The following ADAM23 variants were observed in gnomAD, a reference collection of about 807,000 sequenced individuals.
The protein encoded by ADAM23 is ADAM metallopeptidase domain 23, also known as disintegrin and metalloproteinase domain-containing protein 23.
ADAM23 carries 33 observed loss-of-function variants against 120.1 expected under a neutral mutation model. That is an observed-to-expected ratio of 0.27 (90% CI 0.21 to 0.37). The LOEUF (loss-of-function observed/expected upper bound fraction) is 0.37. Ranked by LOEUF, ADAM23 falls within the 10% of genes least tolerant of loss-of-function variation. The pLI is 1.00. For missense variants in ADAM23, 862 were observed against 1,058.2 expected (o/e 0.81, Z 2.57); for synonymous variants, 367 against 375.2 (o/e 0.98, Z 0.25).
intron 2 of ADAM23, among the ~76,000 whole-genome samples, chr2:206,462,925 C>T (rs994933292): frequency 1.3e-5 from 2 of 152,124 alleles, no homozygotes. Flanking sequence ...TATGGCAGCT[C>T]TCTGGAAGAC....
chr2:206,556,723 C>T (rs534265345), intron 9 of ADAM23, among the ~76,000 whole-genome samples: 2 of 152,264 alleles, frequency 1.3e-5, no homozygotes, highest in Admixed American at 6.5e-5. Context: ...ACTCTCAGCA[C>T]ACTTCATTTT....
At chr2:206,561,554 A>T (rs917626730) in intron 12 of ADAM23, among the ~76,000 whole-genome samples, 1 of 151,908 alleles carries the variant, frequency 6.6e-6, no homozygotes, top group Admixed American at 6.6e-5. Context: ...GTTAAATTTA[A>T]CTCATTAAAA....
intron 4 of ADAM23, 106 bp from the exon 5 acceptor site, chr2:206,541,946 G>C: frequency 2.6e-6 from 3 of 1,150,072 alleles, no homozygotes; most frequent in Non-Finnish European, 2.6e-6. Context: ...TATTAATACA[G>C]TGCACATATA....
In ADAM23 at chr2:206,443,748, CCT is replaced by C; in HGVS notation, c.-118_-117del. 1 of 429,168 alleles carries C rather than the reference CCT, an allele frequency of 2.3e-6. No individual in the cohort carries two copies. Among genetic ancestry groups the C allele is most frequent in the South Asian group, 9.4e-5 (1 of 10,638 alleles). 26.6% of individuals were successfully genotyped at this position (429,168 alleles called of 1,614,324 possible). On this transcript the variant is annotated 5_prime_UTR_variant, in exon 1 of 26. Transcript: ENST00000264377. ...GCCCCGTGCCCCGAGCCCGGAGCCC[CCT>C]GCCCGCCGCGGCACCATGCGCGCCG...
At position 206,443,958 on chromosome 2, in the gene ADAM23, G is replaced by T. The variant is rs1260892513; in HGVS notation, c.92G>T (p.Gly31Val). The change falls in exon 1 of 26, where the codon GGC (glycine) becomes GTC (valine). Residue 31 changes from glycine (G) to valine (V), a missense_variant. By Grantham distance (109) the Gly-to-Val change is moderately radical (BLOSUM62 -3). Around this residue, in one of 4 missense-constraint regions of ADAM23, gnomAD observed 225 missense variants for 204.0 expected, o/e 1.10. Transcript: ENST00000264377. ...ASCGPQRGPAGSVPASAPART... is the reference protein window; with the variant it reads ...ASCGPQRGPAVSVPASAPART... ...TGCGGCCCCCAACGCGGCCCCGCCG[G>T]CTCGGTGCCTGCCAGCGCCCCGGCC... 3.1e-6 allele frequency: 4 copies of T among 1,293,428 alleles called. No homozygotes were observed. Among genetic ancestry groups the T allele is most frequent in the East Asian group, 3.2e-5 (1 of 31,138 alleles). The allele number at this position is 1,293,428 out of a possible 1,614,324, so 80.1% of individuals were successfully genotyped here.
At chr2:206,489,987 G>A (rs571632349) in intron 3 of ADAM23, among the ~76,000 whole-genome samples, 5 of 152,318 alleles carry the variant, frequency 3.3e-5, no homozygotes, top group Admixed American at 1.3e-4. Flanking sequence ...GCATTCGTAC[G>A]TTGAAGTTCT....
intron 4 of ADAM23, among the ~76,000 whole-genome samples, chr2:206,531,168 G>T (rs17211709): frequency 0.044 from 6,675 of 152,264 alleles, 222 homozygotes; most frequent in Middle Eastern, 0.11. Flanking sequence ...GATTATACAT[G>T]CAGTACCTTT....
At chr2:206,552,836 ATTT>A (rs56170459) in intron 9 of ADAM23, among the ~76,000 whole-genome samples, 1 of 147,236 alleles carries the variant, frequency 6.8e-6, no homozygotes. Flanking sequence ...TATTTTTTGT[ATTT>A]TTTTTTTTTG....
chr2:206,527,823 A>C (rs1451821240), intron 3 of ADAM23, among the ~76,000 whole-genome samples: 1 of 152,204 alleles, frequency 6.6e-6, no homozygotes, highest in Non-Finnish European at 1.5e-5. Flanking sequence ...TGCTATTTAC[A>C]GGAAGTAGAA....
chr2:206,571,444 C>T (rs921425900), intron 16 of ADAM23, among the ~76,000 whole-genome samples: 2 of 151,706 alleles, frequency 1.3e-5, no homozygotes, highest in Non-Finnish European at 2.9e-5. Context: ...CACTGCAGTC[C>T]GGCCTGTGTG....
intron 18 of ADAM23, among the ~76,000 whole-genome samples, chr2:206,573,451 A>C (rs1275448081): frequency 2.0e-5 from 3 of 152,160 alleles, no homozygotes; most frequent in Non-Finnish European, 2.9e-5. Flanking sequence ...CATTAAACAA[A>C]GTTTCTGTAC....
intron 2 of ADAM23, among the ~76,000 whole-genome samples, chr2:206,475,155 G>A (rs1695750971): frequency 6.6e-6 from 1 of 152,082 alleles, no homozygotes; most frequent in South Asian, 2.1e-4. Flanking sequence ...ATTGCATGGG[G>A]TGCTGTGTTC....
chr2:206,536,506 G>C (rs1194853286), intron 4 of ADAM23, among the ~76,000 whole-genome samples: 1 of 152,062 alleles, frequency 6.6e-6, no homozygotes, highest in Non-Finnish European at 1.5e-5. Context: ...TAGGCTCTAA[G>C]TCTAAAGATG....
intron 14 of ADAM23, among the ~76,000 whole-genome samples, chr2:206,566,321 C>T (rs1574537932): frequency 1.3e-5 from 2 of 151,896 alleles, no homozygotes; most frequent in Non-Finnish European, 2.9e-5. Flanking sequence ...TCAACAGTGG[C>T]AGGTTTCACC....
intron 2 of ADAM23, among the ~76,000 whole-genome samples, chr2:206,467,154 T>G (rs1023356888): frequency 6.6e-6 from 1 of 152,192 alleles, no homozygotes; most frequent in East Asian, 1.9e-4. Context: ...AATTCCACCC[T>G]GGCCCCTCCC....
intron 25 of ADAM23, among the ~76,000 whole-genome samples, chr2:206,615,382 C>T (rs1156752517): frequency 6.6e-6 from 1 of 152,214 alleles, no homozygotes; most frequent in African/African-American, 2.4e-5. Context: ...TGAAGAAAGT[C>T]AGCAAGGACC....
At chr2:206,583,311 G>A (rs762855938) in intron 18 of ADAM23, among the ~76,000 whole-genome samples, 23 of 152,192 alleles carry the variant, frequency 1.5e-4, no homozygotes, top group Middle Eastern at 3.4e-3. Flanking sequence ...AAAATTAGCC[G>A]GGCGTGGTAA....
At chr2:206,594,266 TTA>T (rs1698478765) in intron 22 of ADAM23, among the ~76,000 whole-genome samples, 1 of 152,264 alleles carries the variant, frequency 6.6e-6, no homozygotes, top group East Asian at 1.9e-4. Flanking sequence ...ACTGATTTGT[TTA>T]TGTTTTTCAA....
chr2:206,461,544 A>T (rs1695420090), intron 2 of ADAM23, among the ~76,000 whole-genome samples: 2 of 152,144 alleles, frequency 1.3e-5, no homozygotes, highest in Non-Finnish European at 2.9e-5. Flanking sequence ...TAGATTTGGG[A>T]ATCTCAAACT....
Sources: allele counts gnomAD v4.1 joint callset (sites outside exome capture counted in the v4.1 genomes callset), GRCh38; gene constraint gnomAD v4.1.1; regional missense constraint gnomAD v4.1.1; transcripts MANE v1.5; gene names NCBI Gene and HGNC (gene_info 2026-07-23, HGNC 2026-07-21).